The following TET3 variants were observed in gnomAD, a reference collection of about 807,000 sequenced individuals.
The protein encoded by TET3 is methylcytosine dioxygenase TET3.
In TET3, 19 loss-of-function variants were observed where a neutral mutation model predicts 141.4. The observed-to-expected ratio is 0.13, with a 90% CI of 0.09 to 0.20. TET3 has a LOEUF of 0.20. TET3 is among the 10% of genes least tolerant of loss of function. The pLI, the probability that TET3 is intolerant of heterozygous loss-of-function variation, is 1.00. For missense variants in TET3, 1,874 were observed against 2,356.9 expected (o/e 0.80, Z 4.24); for synonymous variants, 1,043 against 980.9 (o/e 1.06, Z -1.18).
Position 74,073,610 on chromosome 2 carries a change from C to T in TET3, c.2556C>T (p.Val852=), listed in dbSNP as rs551114738. Residue 852 remains valine, a synonymous_variant, in exon 5 of 12, where the codon GTC becomes GTT. Coordinates refer to ENST00000409262, the MANE Select transcript of TET3 (RefSeq NM_001287491.2). ...CTCACTTGGGATCTGGCCCCACGGTCGCCTCTATCCGGGAACTCATGGAGG... is the reference window on the plus strand; with the variant it reads ...CTCACTTGGGATCTGGCCCCACGGTTGCCTCTATCCGGGAACTCATGGAGG... The part of the protein sequence containing the change: ...YYTHLGSGPT[V]ASIRELMEER... 1.8e-5 allele frequency: 29 copies of T among 1,611,700 alleles called. No homozygotes were observed. Among genetic ancestry groups the T allele is most frequent in the Admixed American group, 5.0e-5 (3 of 59,730 alleles).
rs144613147 is a variant in TET3 at position 74,075,404 on chromosome 2, C to T, written c.2585+1765C>T. On this transcript the variant is annotated intron_variant, in intron 5 of 11. Coordinates refer to ENST00000409262, the MANE Select transcript of TET3 (RefSeq NM_001287491.2). The stretch of plus-strand genomic sequence containing the variant: ...AGTGCAGTGGTGTGGTCTTGGCTCA[C>T]TGCAACCTCTGCCTCCCAGGTTCAA... Among the ~76,000 whole-genome samples the T allele has an allele frequency of 2.9e-3, 415 of 143,432 alleles. 1 individual carries two copies. The highest frequency in any genetic ancestry group is 9.8e-3 in the African/African-American group (380 of 38,598). The allele number at this position is 143,432 out of a possible 152,430, so 94.1% of individuals were successfully genotyped here.
At chr2:74,080,688 GC>G in intron 6 of TET3, 97 bp downstream of exon 6, 2 of 468,784 alleles carry the variant, frequency 4.3e-6, no homozygotes, top group South Asian at 2.3e-5. Flanking sequence ...ATGTAGCTGA[GC>G]AGGCGAGGGC....
At chr2:74,125,813 G>T in the TET3 span, among the ~76,000 whole-genome samples, 1 of 152,200 alleles carries the variant, frequency 6.6e-6, no homozygotes, top group Non-Finnish European at 1.5e-5. Flanking sequence ...GGGATTACAG[G>T]CATGAGCCAC....
chr2:73,986,313 A>G lies in TET3; in HGVS notation c.-91A>G. 1 of 1,149,028 alleles carries G rather than the reference A, an allele frequency of 8.7e-7. No homozygotes were observed. The allele number at this position is 1,149,028 out of a possible 1,614,324, so 71.2% of individuals were successfully genotyped here. ...ACCCTTGTAGACTCTTGACTGTTCT[A>G]GGCGAGAAGGACCTGTTGGTGGCCT... is the stretch of plus-strand genomic sequence containing the variant. On this transcript the variant is annotated 5_prime_UTR_variant, in exon 2 of 12. Coordinates refer to ENST00000409262, the MANE Select transcript of TET3 (RefSeq NM_001287491.2).
intron 5 of TET3, among the ~76,000 whole-genome samples, chr2:74,074,317 G>C (rs1300929709): frequency 6.6e-6 from 1 of 152,260 alleles, no homozygotes; most frequent in East Asian, 1.9e-4. Context: ...ACTACACAGG[G>C]GTTGTTCATT....
chr2:74,004,612 G>A (rs908940945), intron 3 of TET3, among the ~76,000 whole-genome samples: 1 of 152,188 alleles, frequency 6.6e-6, no homozygotes, highest in African/African-American at 2.4e-5. Flanking sequence ...CCCGTCTAGC[G>A]GGTGTGCTTT....
chr2:74,062,097 C>T (rs1009406391), intron 4 of TET3, among the ~76,000 whole-genome samples: 1 of 152,146 alleles, frequency 6.6e-6, no homozygotes, highest in Admixed American at 6.5e-5. Flanking sequence ...TGTAGCGAGC[C>T]GAGAGCACGC....
rs772182832 is a variant in TET3 at position 74,101,796 on chromosome 2, C to T, written c.5008C>T (p.Arg1670Trp). The T allele has an allele frequency of 4.3e-6, 7 of 1,612,994 alleles. No individual in the cohort carries two copies. The highest frequency in any genetic ancestry group is 1.1e-5 in the South Asian group (1 of 91,076). Residue 1670 changes from arginine to tryptophan, a missense_variant, in exon 12 of 12, where the codon CGG becomes TGG. By Grantham distance (101) the Arg-to-Trp change is moderately radical (BLOSUM62 -3). Coordinates refer to ENST00000409262, the MANE Select transcript of TET3 (RefSeq NM_001287491.2). This position sits in a 1 kb window ranked among gnomAD's most constrained non-coding sequence, Gnocchi z 8.5. Reference sequence around the variant, plus strand: ...CTCCATCCTCATCGAGTGTGCCCGGCGGGAGCTGCACGCCACCACGCCGCT... The same window carrying T: ...CTCCATCCTCATCGAGTGTGCCCGGTGGGAGCTGCACGCCACCACGCCGCT... ...HGSILIECAR[R>W]ELHATTPLKK...
the TET3 span, among the ~76,000 whole-genome samples, chr2:74,114,355 G>A: frequency 5.1e-4 from 78 of 152,280 alleles, no homozygotes; most frequent in African/African-American, 1.8e-3. Context: ...ATTGGGTACA[G>A]TGTACACAGC....
At chr2:74,097,841 A>G (rs1191728653) in intron 10 of TET3, among the ~76,000 whole-genome samples, 1 of 152,134 alleles carries the variant, frequency 6.6e-6, no homozygotes, top group Non-Finnish European at 1.5e-5. Context: ...GCTGGTTCAT[A>G]TATCAGAGGC....
intron 5 of TET3, among the ~76,000 whole-genome samples, chr2:74,077,435 T>G (rs1689572209): frequency 6.6e-6 from 1 of 152,238 alleles, no homozygotes; most frequent in African/African-American, 2.4e-5. Flanking sequence ...TTGGCTTGTA[T>G]GATTAGTTAT....
intron 3 of TET3, among the ~76,000 whole-genome samples, chr2:74,006,134 A>C (rs994453276): frequency 6.6e-6 from 1 of 152,036 alleles, no homozygotes; most frequent in African/African-American, 2.4e-5. Context: ...GACTTTCTAT[A>C]CACTCTGGGT....
intron 3 of TET3, among the ~76,000 whole-genome samples, chr2:74,036,505 C>T (rs556977159): frequency 6.6e-4 from 100 of 152,202 alleles, no homozygotes; most frequent in Middle Eastern, 6.8e-3. Context: ...TTTTTTATGT[C>T]TTCTGTTGGC....
intron 6 of TET3, among the ~76,000 whole-genome samples, chr2:74,084,780 AC>A (rs1435482929): frequency 1.3e-5 from 2 of 152,068 alleles, no homozygotes; most frequent in Admixed American, 1.3e-4. Context: ...TACTAAAAAT[AC>A]AAAAAATTAG....
At chr2:74,074,099 A>G (rs1312862400) in intron 5 of TET3, among the ~76,000 whole-genome samples, 2 of 152,180 alleles carry the variant, frequency 1.3e-5, no homozygotes, top group South Asian at 2.1e-4. Flanking sequence ...GAGGAATATA[A>G]TGTCTCACTC....
At position 74,105,485 on chromosome 2, in the gene TET3, G is replaced by A. The variant is rs533737156; in HGVS notation, c.*3309G>A. Reference sequence around the variant, plus strand: ...GAAATCTTGACTAAAGGTGTTGCATGGATTTGGGGGTCTTTCGGTTTTTGG... The same window carrying A: ...GAAATCTTGACTAAAGGTGTTGCATAGATTTGGGGGTCTTTCGGTTTTTGG... On this transcript the variant is annotated 3_prime_UTR_variant, in exon 12 of 12. Coordinates refer to ENST00000409262, the MANE Select transcript of TET3 (RefSeq NM_001287491.2). The A allele has an allele frequency of 2.3e-5, 9 of 398,058 alleles. No individual in the cohort carries two copies. The highest frequency in any genetic ancestry group is 8.8e-5 in the Admixed American group (2 of 22,722). The allele number at this position is 398,058 out of a possible 1,614,324, so 24.7% of individuals were successfully genotyped here.
the TET3 span, among the ~76,000 whole-genome samples, chr2:74,123,965 G>A: frequency 6.6e-6 from 1 of 151,904 alleles, no homozygotes; most frequent in Admixed American, 6.5e-5. Flanking sequence ...CATCTGGGAG[G>A]TGAGGAGCGT....
intron 3 of TET3, among the ~76,000 whole-genome samples, chr2:74,016,262 C>T (rs1177180271): frequency 2.0e-5 from 3 of 151,190 alleles, no homozygotes; most frequent in Non-Finnish European, 2.9e-5. Flanking sequence ...ACGATCAGGC[C>T]ACTGCACTCC....
chr2:74,068,893 G>C (rs999407258), intron 4 of TET3, among the ~76,000 whole-genome samples: 2 of 152,132 alleles, frequency 1.3e-5, no homozygotes, highest in African/African-American at 2.4e-5. Flanking sequence ...AGCTATAGTA[G>C]CTCTTGATAT....
Sources: gnomAD v4.1 joint callset for allele counts (sites outside exome capture counted in the v4.1 genomes callset) on GRCh38, gnomAD v4.1.1 for gene constraint, Gnocchi (gnomAD v3.1) non-coding constraint, MANE v1.5 for transcripts, NCBI Gene and HGNC (gene_info 2026-07-23, HGNC 2026-07-21) for gene names.